The following ADGRB2 variants were observed in gnomAD, a reference collection of about 807,000 sequenced individuals.
The protein encoded by ADGRB2 is brain-specific angiogenesis inhibitor 2.
In ADGRB2, 47 loss-of-function variants were observed where a neutral mutation model predicts 178.7. The ratio of observed to expected loss-of-function variants is 0.26; its 90% CI spans 0.21 to 0.34. ADGRB2 has a LOEUF of 0.34. Ranked by LOEUF, ADGRB2 falls within the 10% of genes least tolerant of loss-of-function variation. ADGRB2 has a pLI of 1.00. For missense variants in ADGRB2, 1,584 were observed against 2,180.8 expected, an observed-to-expected ratio of 0.73 and a Z score of 5.45; for synonymous variants, 870 against 912.4, an observed-to-expected ratio of 0.95 and a Z score of 0.84.
chr1:31,735,653 T>C lies in ADGRB2; in HGVS notation c.3280A>G (p.Ile1094Val), dbSNP rs1444024356. 2 of 1,601,468 alleles carry C rather than the reference T, an allele frequency of 1.2e-6. No homozygotes were observed. Among genetic ancestry groups the C allele is most frequent in the Non-Finnish European group, 1.7e-6 (2 of 1,171,246 alleles). The change falls in exon 24 of 33, where the codon ATC becomes GTC. Residue 1094 changes from isoleucine to valine, a missense_variant. Ile to Val is a conservative substitution (Grantham distance 29). Coordinates refer to ENST00000373658, the MANE Select transcript of ADGRB2 (RefSeq NM_001364857.2). This position sits in a 1 kb window ranked among gnomAD's most constrained non-coding sequence, Gnocchi z 6.0. ...AAVIVLVNML[I>V]GIIVFNKLMA... ...AGCTTGTTGAAGACGATGATTCCGA[T>C]GAGCATGTTCACCTGGGGGCCCAGT...
chr1:31,735,569 C>T lies in ADGRB2; in HGVS notation c.3353+11G>A, dbSNP rs186740027. 55 of 1,613,384 alleles carry T rather than the reference C, an allele frequency of 3.4e-5. No individual in the cohort carries two copies. The highest frequency in any genetic ancestry group is 8.8e-5 in the South Asian group (8 of 91,062). ...TCCAGAAAGGCCAAGTCTCAGAGGC[C>T]CCCCCCTTACCCGGCCCTCTGCTTC... On this transcript the variant is annotated intron_variant, in intron 24 of 32. Transcript: ENST00000373658. This position sits in a 1 kb window ranked among gnomAD's most constrained non-coding sequence, Gnocchi z 6.0.
intron 3 of ADGRB2, 128 bp downstream of exon 3, chr1:31,757,073 G>A (rs1335329050): frequency 1.2e-5 from 18 of 1,495,618 alleles, no homozygotes; most frequent in South Asian, 4.6e-5. Context: ...AAGGACTCGC[G>A]AGAGTGCCTG....
chr1:31,732,438 G>A, intron 27 of ADGRB2, 79 bp downstream of exon 27: 6 of 1,510,214 alleles, frequency 4.0e-6, no homozygotes, highest in Non-Finnish European at 5.5e-6. Context: ...GGATGGGGAA[G>A]GTAAATGGTC....
chr1:31,748,607 G>A (rs772755334), intron 4 of ADGRB2, among the ~76,000 whole-genome samples: 2 of 152,278 alleles, frequency 1.3e-5, no homozygotes, highest in East Asian at 1.9e-4. Context: ...CAGAAGGGAC[G>A]TGAGTACCCC....
Position 31,733,234 on chromosome 1 carries a change from C to A in ADGRB2, c.3453-91G>T. On this transcript the variant is annotated intron_variant, in intron 25 of 32. Coordinates refer to ENST00000373658, the MANE Select transcript of ADGRB2 (RefSeq NM_001364857.2). This position sits in a 1 kb window ranked among gnomAD's most constrained non-coding sequence, Gnocchi z 4.3. ...CCTCCACTCAGCTGGAGCTCTTCAGCTGCCCAAGACTGGGAGGGCCCCAAA... is the reference window on the plus strand; with the variant it reads ...CCTCCACTCAGCTGGAGCTCTTCAGATGCCCAAGACTGGGAGGGCCCCAAA... 1 of 1,403,552 alleles carries A rather than the reference C, an allele frequency of 7.1e-7. No homozygotes were observed. 86.9% of individuals were successfully genotyped at this position (1,403,552 alleles called of 1,614,324 possible).
chr1:31,732,268 C>T (rs1645327414), intron 27 of ADGRB2, 114 bp from the exon 28 acceptor site: 6 of 1,429,886 alleles, frequency 4.2e-6, no homozygotes, highest in Middle Eastern at 2.0e-4. Context: ...CTTAGGGCTG[C>T]CCATGGCCCA....
rs1646720017 is a variant in ADGRB2, at chr1:31,754,186, T to C, written c.838+1813A>G. Among the ~76,000 whole-genome samples, 1 of 152,246 alleles carries C rather than the reference T, an allele frequency of 6.6e-6. No individual in the cohort carries two copies. On this transcript the variant is annotated intron_variant, in intron 4 of 32. Coordinates refer to ENST00000373658, the MANE Select transcript of ADGRB2 (RefSeq NM_001364857.2). The surrounding 1 kb of genome is among the most constrained non-coding windows in gnomAD (Gnocchi z 5.7). ...TGCCTTTCCCATCACCGGCCCTCTC[T>C]GATCCCCAAAGACACCCCAGCTACC...
chr1:31,750,843 C>T (rs1380317084), intron 4 of ADGRB2, among the ~76,000 whole-genome samples: 1 of 152,086 alleles, frequency 6.6e-6, no homozygotes, highest in East Asian at 1.9e-4. Context: ...ACTGGGTACC[C>T]CTATGAGATC....
chr1:31,756,492 C>T lies in ADGRB2; in HGVS notation c.345G>A (p.Glu115=), dbSNP rs1374046981. 1 of 1,612,376 alleles carries T rather than the reference C, an allele frequency of 6.2e-7. No individual in the cohort carries two copies. The highest frequency in any genetic ancestry group is 8.5e-7 in the Non-Finnish European group (1 of 1,179,268). ...CTGACTCCGCCTGGGCCACCGCCTC[C>T]TCGGGGCTAGGCCGCAGGCAGGTAA... ...VNFTCLRPSP[E]EAVAQAESEV... Residue 115 remains glutamate, a synonymous_variant, in exon 4 of 33, where the codon GAG becomes GAA. Transcript: ENST00000373658. This position sits in a 1 kb window ranked among gnomAD's most constrained non-coding sequence, Gnocchi z 8.5.
At chr1:31,731,803 C>T (rs1265179897) in intron 28 of ADGRB2, among the ~76,000 whole-genome samples, 1 of 152,174 alleles carries the variant, frequency 6.6e-6, no homozygotes, top group Non-Finnish European at 1.5e-5. Flanking sequence ...TAACGTAACA[C>T]TCTGTGCCAT....
At chr1:31,742,246 C>T in intron 7 of ADGRB2, 29 bp from the exon 8 acceptor site, 1 of 1,570,356 alleles carries the variant, frequency 6.4e-7, no homozygotes, top group Non-Finnish European at 8.7e-7. Flanking sequence ...GCAGGGGTGG[C>T]TGTTGAGCAG....
intron 25 of ADGRB2, among the ~76,000 whole-genome samples, chr1:31,734,034 G>A (rs985173846): frequency 2.0e-5 from 3 of 152,140 alleles, no homozygotes; most frequent in South Asian, 2.1e-4. Flanking sequence ...AGAGACAGCC[G>A]GGGGAGGCCA....
chr1:31,731,077 C>T lies in ADGRB2; in HGVS notation c.4103G>A (p.Gly1368Glu). The T allele has an allele frequency of 6.4e-7, 1 of 1,574,776 alleles. No individual in the cohort carries two copies. The highest frequency in any genetic ancestry group is 8.6e-7 in the Non-Finnish European group (1 of 1,160,530). ...GGCCCTGGGGGCATCCTCACCACCT[C>T]CACCCCCACCGCCAGGCTGCAGGCT... Reference protein sequence around the residue: ...TLSLQPGGGGGGGEDAPRARP... With the variant: ...TLSLQPGGGGEGGEDAPRARP... The change falls in exon 29 of 33, where the codon GGA becomes GAA. Residue 1368 changes from glycine (G) to glutamate (E), a missense_variant. Gly to Glu is a moderately conservative substitution (Grantham distance 98, BLOSUM62 -2). Transcript: ENST00000373658.
At chr1:31,731,810 C>T (rs1253261592) in intron 28 of ADGRB2, among the ~76,000 whole-genome samples, 1 of 152,150 alleles carries the variant, frequency 6.6e-6, no homozygotes, top group Non-Finnish European at 1.5e-5. Context: ...ACACTCTGTG[C>T]CATGGGTCCT....
chr1:31,760,828 TGG>T (rs1160652675), intron 1 of ADGRB2: 1 of 152,264 alleles, frequency 6.6e-6, no homozygotes, highest in Non-Finnish European at 1.5e-5. Flanking sequence ...TCTGTCGCCC[TGG>T]GGGACGCACA....
chr1:31,738,702 G>C (rs142149608), intron 16 of ADGRB2, 72 bp from the exon 17 acceptor site: 3 of 1,601,322 alleles, frequency 1.9e-6, no homozygotes, highest in Non-Finnish European at 2.6e-6. Context: ...CCATGCCATG[G>C]GGGCCACAGC....
rs1055485616 is a variant in ADGRB2 at position 31,740,961 on chromosome 1, C to T, written c.1794+412G>A. On this transcript the variant is annotated intron_variant, in intron 11 of 32. Coordinates refer to ENST00000373658, the MANE Select transcript of ADGRB2 (RefSeq NM_001364857.2). This position sits in a 1 kb window ranked among gnomAD's most constrained non-coding sequence, Gnocchi z 5.9. ...CTCTCTCACTCTCTCTCAACACAAG[C>T]TCTAAATGCATTCACACAATTAATA... Among the ~76,000 whole-genome samples, 1 of 151,210 alleles carries T rather than the reference C, an allele frequency of 6.6e-6. No homozygotes were observed. The highest frequency in any genetic ancestry group is 1.5e-5 in the Non-Finnish European group (1 of 67,792).
intron 4 of ADGRB2, among the ~76,000 whole-genome samples, chr1:31,751,713 C>CA (rs1291338271): frequency 1.3e-5 from 2 of 152,046 alleles, no homozygotes; most frequent in Non-Finnish European, 2.9e-5. Flanking sequence ...AAAAATGATA[C>CA]AATTGAAAGA....
intron 1 of ADGRB2, chr1:31,760,748 C>T (rs1570104254): frequency 6.6e-6 from 1 of 152,072 alleles, no homozygotes; most frequent in African/African-American, 2.4e-5. Flanking sequence ...GACCCCCACT[C>T]GGTGGCTTTG....
Sources: gnomAD v4.1 joint callset for allele counts (sites outside exome capture counted in the v4.1 genomes callset) on GRCh38, gnomAD v4.1.1 for gene constraint, Gnocchi (gnomAD v3.1) non-coding constraint, MANE v1.5 for transcripts, NCBI Gene and HGNC (gene_info 2026-07-23, HGNC 2026-07-21) for gene names.